The following PTPRN2 variants were observed in gnomAD, a reference collection of about 807,000 sequenced individuals.
PTPRN2 encodes the protein receptor-type tyrosine-protein phosphatase N2.
A neutral mutation model predicts 118.8 loss-of-function variants in PTPRN2; 74 were observed. The observed-to-expected ratio is 0.62, with a 90% confidence interval of 0.52 to 0.76. The LOEUF (loss-of-function observed/expected upper bound fraction) is 0.76, where lower values mean the gene tolerates loss of function less well. PTPRN2 is among the 30% of genes least tolerant of loss of function. The pLI, the probability that PTPRN2 is intolerant of heterozygous loss-of-function variation, is 0.00. For synonymous variants in PTPRN2, 641 were observed against 608.0 expected (o/e 1.05, Z -0.80); for missense variants, 1,481 against 1,394.4 (o/e 1.06, Z -0.99).
intron 2 of PTPRN2, among the ~76,000 whole-genome samples, chr7:158,404,736 G>C (rs1813232223): frequency 9.6e-6 from 1 of 104,450 alleles, no homozygotes; most frequent in Non-Finnish European, 1.9e-5. Context: ...CCGGCCCCCA[G>C]CTCTCCGGCT....
At chr7:158,247,416 A>G (rs1389535377) in intron 3 of PTPRN2, among the ~76,000 whole-genome samples, 4 of 65,214 alleles carry the variant, frequency 6.1e-5, no homozygotes, top group Non-Finnish European at 1.3e-4. Context: ...GCGCAAAGGG[A>G]AGGAGTGGCC....
chr7:158,401,562 G>C (rs1473092269), intron 2 of PTPRN2, among the ~76,000 whole-genome samples: 2 of 152,258 alleles, frequency 1.3e-5, no homozygotes, highest in East Asian at 3.9e-4. Context: ...CAGCCCCATG[G>C]TTGCCATGAC....
rs1019721424 is a variant in PTPRN2, at chr7:157,628,634, C to T, written c.2197-7125G>A. ...GTGCACCCCTTCGTAACCTGGTCATCACAGCTCACAGGGGAGAGCCAGAGT... is the reference window on the plus strand; with the variant it reads ...GTGCACCCCTTCGTAACCTGGTCATTACAGCTCACAGGGGAGAGCCAGAGT... On this transcript the variant is annotated intron_variant, in intron 14 of 22. Transcript: ENST00000389418. Among the ~76,000 whole-genome samples the T allele has an allele frequency of 6.6e-5, 10 of 152,328 alleles. No homozygotes were observed. In the South Asian group the frequency reaches 8.3e-4, roughly 13 times the overall value.
At chr7:157,754,940 A>G (rs540723034) in intron 12 of PTPRN2, among the ~76,000 whole-genome samples, 39 of 152,294 alleles carry the variant, frequency 2.6e-4, no homozygotes, top group African/African-American at 7.5e-4. Context: ...GCTGGAGTGC[A>G]GTGGTGCAGT....
Position 158,379,051 on chromosome 7 carries a change from C to CAGGGTGT in PTPRN2, c.164-62120_164-62119insACACCCT, listed in dbSNP as rs1810759798. Among the ~76,000 whole-genome samples the CAGGGTGT allele has an allele frequency of 5.4e-5, 8 of 149,348 alleles. No homozygotes were observed. The South Asian group carries it at 1.8e-3, about 34-fold the overall frequency. On this transcript the variant is annotated intron_variant, in intron 2 of 22. Coordinates refer to ENST00000389418, the MANE Select transcript of PTPRN2 (RefSeq NM_002847.5). Reference sequence around the variant, plus strand: ...GCTCCCTGCAGGGTGAGGCAGGGTGCGGGGTGAGAAGTGCTGGGTTAGGAC... The same window carrying CAGGGTGT: ...GCTCCCTGCAGGGTGAGGCAGGGTGCAGGGTGTGGGGTGAGAAGTGCTGGGTTAGGAC...
intron 1 of PTPRN2, among the ~76,000 whole-genome samples, chr7:158,500,592 C>T (rs1482084687): frequency 6.6e-6 from 1 of 152,200 alleles, no homozygotes; most frequent in Non-Finnish European, 1.5e-5. Context: ...CTGTGGAACT[C>T]CGAACCTTCA....
chr7:158,342,288 G>A (rs1586393768), intron 2 of PTPRN2, among the ~76,000 whole-genome samples: 1 of 116,878 alleles, frequency 8.6e-6, no homozygotes, highest in South Asian at 3.0e-4. Flanking sequence ...TCACCATAGA[G>A]CTGACACCCG....
In PTPRN2 at chr7:158,430,501, C is replaced by T. The variant is rs552014803; in HGVS notation, c.163+59234G>A. ...GCTCTGTGGTTTGCGGGGCCTCGCA[C>T]GGCTCAGCGCGGCACCCCCTCCCTG... On this transcript the variant is annotated intron_variant, in intron 2 of 22. Coordinates refer to ENST00000389418, the MANE Select transcript of PTPRN2 (RefSeq NM_002847.5). Among the ~76,000 whole-genome samples the T allele has an allele frequency of 7.9e-5, 12 of 152,368 alleles. No individual in the cohort carries two copies. In the South Asian group the frequency reaches 1.2e-3, roughly 16 times the overall value.
intron 14 of PTPRN2, among the ~76,000 whole-genome samples, chr7:157,626,597 G>C (rs1803586617): frequency 6.6e-6 from 1 of 151,956 alleles, no homozygotes; most frequent in Non-Finnish European, 1.5e-5. Context: ...TGTGGCATTC[G>C]TCACATTCTT....
At chr7:158,127,652 G>C (rs866542157) in intron 9 of PTPRN2, among the ~76,000 whole-genome samples, 5 of 152,174 alleles carry the variant, frequency 3.3e-5, no homozygotes, top group Admixed American at 2.0e-4. Flanking sequence ...CAGCGTGGTC[G>C]TTCCGCAGAA....
chr7:158,495,489 G>T (rs930957836), intron 1 of PTPRN2, among the ~76,000 whole-genome samples: 1 of 151,996 alleles, frequency 6.6e-6, no homozygotes, highest in Non-Finnish European at 1.5e-5. Flanking sequence ...CCCACTGCAG[G>T]GGGGGTAAGA....
At position 157,731,904 on chromosome 7, in the gene PTPRN2, TCCCG is replaced by T. The variant is rs1245908129; in HGVS notation, c.1789-48971_1789-48968del. On this transcript the variant is annotated intron_variant, in intron 12 of 22. Transcript: ENST00000389418. ...CCATGCGCCCAGCACAGTTACTCTT[TCCCG>T]TCCCATGCGCCCAGCACAGTTACCC... Among the ~76,000 whole-genome samples the T allele has an allele frequency of 4.5e-4, 18 of 39,658 alleles. 1 individual carries two copies. The highest frequency in any genetic ancestry group is 1.1e-3 in the African/African-American group (18 of 16,624). 26.0% of individuals were successfully genotyped at this position (39,658 alleles called of 152,430 possible). A position where few individuals can be genotyped will look rare whatever the true frequency, so the allele number is the denominator to read the frequency against.
intron 2 of PTPRN2, among the ~76,000 whole-genome samples, chr7:158,354,053 C>T (rs974707797): frequency 2.6e-5 from 4 of 152,252 alleles, no homozygotes; most frequent in Admixed American, 2.6e-4. Context: ...CCCCTCCCAG[C>T]CTTCCCACGT....
At chr7:157,702,417 G>T (rs1291667312) in intron 12 of PTPRN2, among the ~76,000 whole-genome samples, 1 of 152,258 alleles carries the variant, frequency 6.6e-6, no homozygotes, top group East Asian at 1.9e-4. Flanking sequence ...GAGAAAGCCT[G>T]GTCGGTGCTG....
At chr7:157,936,545 C>A (rs1422600339) in intron 11 of PTPRN2, among the ~76,000 whole-genome samples, 1 of 152,132 alleles carries the variant, frequency 6.6e-6, no homozygotes, top group African/African-American at 2.4e-5. Flanking sequence ...CTTCTAGTGT[C>A]TCCTCCACTC....
intron 12 of PTPRN2, among the ~76,000 whole-genome samples, chr7:157,821,342 A>G (rs1368089231): frequency 6.6e-6 from 1 of 152,218 alleles, no homozygotes; most frequent in East Asian, 1.9e-4. Context: ...ATTCAGGGTC[A>G]ATTCACTCCA....
Position 158,524,592 on chromosome 7 carries a change from G to C in PTPRN2, c.113-34807C>G, listed in dbSNP as rs189889751. Among the ~76,000 whole-genome samples, 15 of 152,220 alleles carry C rather than the reference G, an allele frequency of 9.9e-5. No homozygotes were observed. In the East Asian group the frequency reaches 2.9e-3, roughly 29 times the overall value. ...AAGCCAGATCGCTGAGGAGTGCGAG[G>C]AAAGCTGTTGGTTGTTATGGTCAAG... is the stretch of plus-strand genomic sequence containing the variant. On this transcript the variant is annotated intron_variant, in intron 1 of 22. Transcript: ENST00000389418.
In PTPRN2 at chr7:157,928,161, G is replaced by A. The variant is rs186724067; in HGVS notation, c.1724-29424C>T. Reference sequence around the variant, plus strand: ...CAATCCAGAAGGAAGGTGCAGATGAGGACTCTGAGGCCCACCCAAGACCGT... The same window carrying A: ...CAATCCAGAAGGAAGGTGCAGATGAAGACTCTGAGGCCCACCCAAGACCGT... On this transcript the variant is annotated intron_variant, in intron 11 of 22. Coordinates refer to ENST00000389418, the MANE Select transcript of PTPRN2 (RefSeq NM_002847.5). Among the ~76,000 whole-genome samples, 79 of 152,322 alleles carry A rather than the reference G, an allele frequency of 5.2e-4. 1 individual carries two copies. The highest frequency in any genetic ancestry group is 1.9e-3 in the African/African-American group (78 of 41,568).
chr7:157,704,891 A>G (rs759021378), intron 12 of PTPRN2, among the ~76,000 whole-genome samples: 5 of 152,220 alleles, frequency 3.3e-5, no homozygotes, highest in African/African-American at 7.2e-5. Context: ...ACAATTAAAA[A>G]ACCCTCATGA....
Sources: allele counts gnomAD v4.1 joint callset (sites outside exome capture counted in the v4.1 genomes callset), GRCh38; gene constraint gnomAD v4.1.1; transcripts MANE v1.5; gene names NCBI Gene and HGNC (gene_info 2026-07-23, HGNC 2026-07-21).